Variants in ERBB4 observed in about 807,000 individuals in gnomAD.
The protein encoded by ERBB4 is erb-b2 receptor tyrosine kinase 4.
In ERBB4, 42 loss-of-function variants were observed where a neutral mutation model predicts 158.0. The ratio of observed to expected loss-of-function variants is 0.27; its 90% CI spans 0.21 to 0.34. The LOEUF is 0.34. Among genes scored for constraint, ERBB4 ranks in the 10% least tolerant of loss-of-function variants. ERBB4 has a pLI of 1.00. For missense variants in ERBB4, 1,333 were observed against 1,624.1 expected (o/e 0.82, Z 3.08); for synonymous variants, 583 against 558.7 (o/e 1.04, Z -0.61).
At chr2:212,473,726 A>G (rs1157996057) in intron 1 of ERBB4, among the ~76,000 whole-genome samples, 1 of 152,106 alleles carries the variant, frequency 6.6e-6, no homozygotes, top group Non-Finnish European at 1.5e-5. Flanking sequence ...TATATGGATA[A>G]AACTACAGCT....
At chr2:211,994,474 A>G (rs2082150968) in intron 2 of ERBB4, among the ~76,000 whole-genome samples, 1 of 152,114 alleles carries the variant, frequency 6.6e-6, no homozygotes, top group South Asian at 2.1e-4. Context: ...ATTTTTAGAA[A>G]TGTTTTATCA....
chr2:212,346,254 TG>T (rs1483276020), intron 1 of ERBB4, among the ~76,000 whole-genome samples: 1 of 152,130 alleles, frequency 6.6e-6, no homozygotes, highest in Non-Finnish European at 1.5e-5. Flanking sequence ...ACAGATGTGC[TG>T]TATCTATGTT....
chr2:212,028,380 C>T (rs1174560262), intron 2 of ERBB4, among the ~76,000 whole-genome samples: 1 of 152,122 alleles, frequency 6.6e-6, no homozygotes, highest in East Asian at 1.9e-4. Flanking sequence ...AATGTCCCCG[C>T]CTGGCAATGG....
chr2:212,509,645 G>A (rs1221476551), intron 1 of ERBB4, among the ~76,000 whole-genome samples: 1 of 151,924 alleles, frequency 6.6e-6, no homozygotes, highest in African/African-American at 2.4e-5. Context: ...AGGCTTTGGA[G>A]TCACACAAAT....
chr2:211,914,047 GA>G (rs1476919261), intron 3 of ERBB4, among the ~76,000 whole-genome samples: 2 of 72,834 alleles, frequency 2.7e-5, no homozygotes, highest in Non-Finnish European at 5.2e-5. Context: ...GTCTTGGAAT[GA>G]CAAAAAAAAA....
At chr2:211,551,998 C>T (rs921059603) in intron 20 of ERBB4, among the ~76,000 whole-genome samples, 1 of 152,180 alleles carries the variant, frequency 6.6e-6, no homozygotes, top group African/African-American at 2.4e-5. Context: ...AGAATCTGCT[C>T]TCTTTCCAAT....
At chr2:211,406,612 G>A (rs1400134619) in intron 25 of ERBB4, among the ~76,000 whole-genome samples, 2 of 152,232 alleles carry the variant, frequency 1.3e-5, no homozygotes, top group African/African-American at 4.8e-5. Flanking sequence ...GAGAGGCAAT[G>A]CATCATTTTG....
At chr2:211,520,828 G>A (rs1398788954) in intron 20 of ERBB4, among the ~76,000 whole-genome samples, 1 of 151,948 alleles carries the variant, frequency 6.6e-6, no homozygotes, top group African/African-American at 2.4e-5. Flanking sequence ...TTTAAACTTT[G>A]TTATAATTAT....
chr2:212,522,576 G>A (rs760615674), intron 1 of ERBB4, among the ~76,000 whole-genome samples: 26 of 151,902 alleles, frequency 1.7e-4, no homozygotes, highest in Non-Finnish European at 3.2e-4. Flanking sequence ...GGTAAGACAG[G>A]GGAGGGCATC....
chr2:211,444,722 T>G (rs1246274572), intron 20 of ERBB4, among the ~76,000 whole-genome samples: 1 of 152,094 alleles, frequency 6.6e-6, no homozygotes, highest in Non-Finnish European at 1.5e-5. Flanking sequence ...CTAAACAATC[T>G]TTTATTGAAT....
chr2:211,615,073 T>C (rs937671839), intron 19 of ERBB4, among the ~76,000 whole-genome samples: 2 of 152,068 alleles, frequency 1.3e-5, no homozygotes, highest in African/African-American at 4.8e-5. Context: ...TGCAAAGCCA[T>C]GACTGTTGAG....
chr2:211,799,316 T>C (rs1340563379), intron 3 of ERBB4, among the ~76,000 whole-genome samples: 1 of 152,198 alleles, frequency 6.6e-6, no homozygotes, highest in Non-Finnish European at 1.5e-5. Context: ...AGCTCTGTAA[T>C]GTGTATTACC....
chr2:211,852,170 C>T (rs2077735962), intron 3 of ERBB4, among the ~76,000 whole-genome samples: 1 of 151,800 alleles, frequency 6.6e-6, no homozygotes, highest in African/African-American at 2.4e-5. Context: ...TTATTACTTG[C>T]AGATTAATCA....
At chr2:212,337,712 A>C (rs1411880098) in intron 1 of ERBB4, among the ~76,000 whole-genome samples, 1 of 152,140 alleles carries the variant, frequency 6.6e-6, no homozygotes, top group Non-Finnish European at 1.5e-5. Context: ...AGATCAGTCC[A>C]GACCTTAAGC....
At chr2:212,428,946 C>T (rs1574902450) in intron 1 of ERBB4, among the ~76,000 whole-genome samples, 1 of 152,078 alleles carries the variant, frequency 6.6e-6, no homozygotes, top group Non-Finnish European at 1.5e-5. Context: ...GTGTATCAGT[C>T]AGATTCCCAG....
At chr2:212,048,108 T>A (rs2077304737) in intron 2 of ERBB4, among the ~76,000 whole-genome samples, 1 of 152,102 alleles carries the variant, frequency 6.6e-6, no homozygotes, top group Non-Finnish European at 1.5e-5. Flanking sequence ...ATAAAATAGC[T>A]ATGACAAAGG....
At chr2:212,081,899 T>C (rs1035402961) in intron 2 of ERBB4, among the ~76,000 whole-genome samples, 2 of 152,158 alleles carry the variant, frequency 1.3e-5, no homozygotes, top group Non-Finnish European at 2.9e-5. Context: ...GCACTTCACC[T>C]AGCAAACTTC....
chr2:212,101,129 A>C (rs925860522), intron 2 of ERBB4, among the ~76,000 whole-genome samples: 1 of 151,998 alleles, frequency 6.6e-6, no homozygotes, highest in Non-Finnish European at 1.5e-5. Context: ...TGAAACTTAC[A>C]CACGGTTTTA....
intron 1 of ERBB4, among the ~76,000 whole-genome samples, chr2:212,496,849 T>C (rs2106222794): frequency 6.6e-6 from 1 of 152,320 alleles, no homozygotes; most frequent in Non-Finnish European, 1.5e-5. Flanking sequence ...TTCTGTTTCT[T>C]GGACCACAGT....
Sources: gnomAD v4.1 joint callset for allele counts (sites outside exome capture counted in the v4.1 genomes callset) on GRCh38, gnomAD v4.1.1 for gene constraint, MANE v1.5 for transcripts, NCBI Gene and HGNC (gene_info 2026-07-23, HGNC 2026-07-21) for gene names.